Variants in ZNF709 observed in about 807,000 individuals in gnomAD.
ZNF709 encodes zinc finger protein 709.
In ZNF709, 15 loss-of-function variants were observed where a neutral mutation model predicts 10.6. The ratio of observed to expected loss-of-function variants is 1.41; its 90% CI spans 0.95 to 2.18. The LOEUF (loss-of-function observed/expected upper bound fraction) is 2.18, where lower values mean the gene tolerates loss of function less well. Ranked by LOEUF, ZNF709 falls within the 30% of genes most tolerant of loss-of-function variation. ZNF709 has a pLI of 0.00. For synonymous variants in ZNF709, 194 were observed against 238.8 expected, an observed-to-expected ratio of 0.81 and a Z score of 1.73; for missense variants, 589 against 774.0, an observed-to-expected ratio of 0.76 and a Z score of 2.84.
chr19:12,464,008 A>C lies in ZNF709; in HGVS notation c.1914T>G (p.His638Gln). 1 of 1,489,786 alleles carries C rather than the reference A, an allele frequency of 6.7e-7. No individual in the cohort carries two copies. The highest frequency in any genetic ancestry group is 8.9e-7 in the Non-Finnish European group (1 of 1,121,704). The allele number at this position is 1,489,786 out of a possible 1,614,324, so 92.3% of individuals were successfully genotyped here. ...SRSFRIHERV[H>Q]SGE ...TATATACATAGGGTTACTCTCCACTATGAACTCTTTCATGTATTCGAAAGG... is the reference window on the plus strand; with the variant it reads ...TATATACATAGGGTTACTCTCCACTCTGAACTCTTTCATGTATTCGAAAGG... Residue 638 changes from histidine to glutamine, a missense_variant, in exon 4 of 4, where the codon CAT (histidine) becomes CAG (glutamine). By Grantham distance (24) the His-to-Gln change is conservative. Around this residue, in one of 2 missense-constraint regions of ZNF709, gnomAD observed 171 missense variants for 277.7 expected, o/e 0.62. Transcript: ENST00000397732.
intron 1 of ZNF709, among the ~76,000 whole-genome samples, chr19:12,467,333 G>A (rs1970582442): frequency 6.6e-6 from 1 of 152,226 alleles, no homozygotes; most frequent in Non-Finnish European, 1.5e-5. Flanking sequence ...GGTGGAGACG[G>A]GGTTTCGCTG....
At chr19:12,474,270 T>C (rs957447248) in intron 1 of ZNF709, among the ~76,000 whole-genome samples, 2 of 152,198 alleles carry the variant, frequency 1.3e-5, no homozygotes, top group Non-Finnish European at 2.9e-5. Context: ...AGATTACATA[T>C]ATAAGTGAGA....
intron 1 of ZNF709, 40 bp downstream of exon 1, chr19:12,484,615 C>T: frequency 6.2e-7 from 1 of 1,612,468 alleles, no homozygotes; most frequent in Non-Finnish European, 8.5e-7. Flanking sequence ...TCAACCCGCC[C>T]CTCTCTCCCA....
In ZNF709 at chr19:12,466,847, A is replaced by G. The variant is rs200400466; in HGVS notation, c.7T>C (p.Ser3Pro). 3 of 1,613,608 alleles carry G rather than the reference A, an allele frequency of 1.9e-6. No individual in the cohort carries two copies. Among genetic ancestry groups the G allele is most frequent in the Middle Eastern group, 1.7e-4 (1 of 6,060 alleles). The change falls in exon 2 of 4, where the codon TCA becomes CCA. Residue 3 changes from serine (S) to proline (P), a missense_variant. By Grantham distance (74) the Ser-to-Pro change is moderately conservative. Coordinates refer to ENST00000397732, the MANE Select transcript of ZNF709 (RefSeq NM_152601.4). ...ACAGCCACATCCTCAAAGACCACTG[A>G]GTCCTGAAACATCCCACATGTATAG... MD[S>P]VVFEDVAVNF...
At chr19:12,468,017 A>T (rs1032538402) in intron 1 of ZNF709, among the ~76,000 whole-genome samples, 1 of 131,964 alleles carries the variant, frequency 7.6e-6, no homozygotes. Flanking sequence ...CCCGTCCGGG[A>T]GGGAGGTGGG....
rs1384257375 is a variant in ZNF709, at chr19:12,481,326, G to A, written c.3+3329C>T. 21 of 251,404 alleles carry A rather than the reference G, an allele frequency of 8.4e-5. No individual in the cohort carries two copies. The Admixed American group carries it at 1.2e-3, about 14-fold the overall frequency. 15.6% of individuals were successfully genotyped at this position (251,404 alleles called of 1,614,324 possible). On this transcript the variant is annotated intron_variant, in intron 1 of 3. Coordinates refer to ENST00000397732, the MANE Select transcript of ZNF709 (RefSeq NM_152601.4). ...TTCACTGCAACCTCCCCTGCAACCC[G>A]GGGTTCAAGCAATTCTCCTGCCTCA...
Position 12,464,294 on chromosome 19 carries a change from C to T in ZNF709, c.1628G>A (p.Cys543Tyr). Residue 543 changes from cysteine to tyrosine, a missense_variant, in exon 4 of 4, where the codon TGT (cysteine) becomes TAT (tyrosine). This residue lies in a region of ZNF709 where 171 missense variants were observed against 277.7 expected (regional missense o/e 0.62). Transcript: ENST00000397732. The part of the protein sequence containing the change: ...ECKQCGKAFS[C>Y]SSSIRIHERT... ...TTCATGTATTCGAATGGAACTGGAA[C>T]AACTAAACGCCTTACCACACTGTTT... 6.2e-7 allele frequency: 1 copy of T among 1,605,284 alleles called. No homozygotes were observed. Among genetic ancestry groups the T allele is most frequent in the Non-Finnish European group, 8.5e-7 (1 of 1,176,154 alleles).
At chr19:12,477,117 T>G (rs766166029) in intron 1 of ZNF709, among the ~76,000 whole-genome samples, 3 of 152,160 alleles carry the variant, frequency 2.0e-5, no homozygotes, top group Non-Finnish European at 4.4e-5. Context: ...GATATTGGTA[T>G]AGGGGCTTAA....
In ZNF709 at chr19:12,465,565, C is replaced by T. The variant is rs1195548288; in HGVS notation, c.357G>A (p.Arg119=). The T allele has an allele frequency of 1.9e-6, 3 of 1,613,688 alleles. No homozygotes were observed. In the African/African-American group the frequency reaches 4.0e-5, roughly 22 times the overall value. The stretch of plus-strand genomic sequence containing the variant: ...TATGTTCAGTATGAGATCTCATGTG[C>T]CTATTAAGAGATGAATGACACATAT... ...KDYMCHSSLN[R]HMRSHTEHRS... The change falls in exon 4 of 4, where the codon AGG becomes AGA. Residue 119 remains arginine, a synonymous_variant. Coordinates refer to ENST00000397732, the MANE Select transcript of ZNF709 (RefSeq NM_152601.4).
At chr19:12,472,815 G>A (rs1023240695) in intron 1 of ZNF709, among the ~76,000 whole-genome samples, 1 of 151,930 alleles carries the variant, frequency 6.6e-6, no homozygotes, top group East Asian at 1.9e-4. Flanking sequence ...CATGGGAGGT[G>A]GAGGTTGCAG....
chr19:12,475,946 A>G (rs1970674188), intron 1 of ZNF709, among the ~76,000 whole-genome samples: 1 of 152,268 alleles, frequency 6.6e-6, no homozygotes, highest in Non-Finnish European at 1.5e-5. Flanking sequence ...CAAATGACCA[A>G]CAGCAATTCA....
At position 12,484,805 on chromosome 19, in the gene ZNF709, C is replaced by T; in HGVS notation, c.-148G>A. On this transcript the variant is annotated 5_prime_UTR_variant, in exon 1 of 4. Transcript: ENST00000397732. The stretch of plus-strand genomic sequence containing the variant: ...GAGCGCAGCGGCTGGTAGCCACGCC[C>T]TCGCCGTTTGCGCAGCGCCCCTCCG... 9.0e-7 allele frequency: 1 copy of T among 1,105,876 alleles called. No homozygotes were observed. The highest frequency in any genetic ancestry group is 1.3e-6 in the Non-Finnish European group (1 of 768,316). 68.5% of individuals were successfully genotyped at this position (1,105,876 alleles called of 1,614,324 possible). A position where few individuals can be genotyped will look rare whatever the true frequency, so the allele number is the denominator to read the frequency against.
rs180914887 is a variant in ZNF709 at position 12,468,507 on chromosome 19, A to C, written c.4-1657T>G. Among the ~76,000 whole-genome samples, 96 of 151,792 alleles carry C rather than the reference A, an allele frequency of 6.3e-4. 1 individual carries two copies. The highest frequency in any genetic ancestry group is 1.2e-3 in the Admixed American group (18 of 15,258). On this transcript the variant is annotated intron_variant, in intron 1 of 3. Transcript: ENST00000397732. Reference sequence around the variant, plus strand: ...ATGCTTGAAGGCAGCATGCTCGTTAAGAGTCATCACCACTCCCTAATCTCA... The same window carrying C: ...ATGCTTGAAGGCAGCATGCTCGTTACGAGTCATCACCACTCCCTAATCTCA...
In ZNF709 at chr19:12,466,770, G is replaced by C. The variant is rs1305416515; in HGVS notation, c.84C>G (p.Leu28=). The change falls in exon 2 of 4, where the codon CTC becomes CTG. Residue 28 remains leucine, a synonymous_variant. Coordinates refer to ENST00000397732, the MANE Select transcript of ZNF709 (RefSeq NM_152601.4). ...AGGTTTCTTGCATCACATCTCTGTA[G>C]AGTTTCTTCTGAGAGGGACCCAGCA... ...WALLGPSQKK[L]YRDVMQETFV... 48 of 1,613,888 alleles carry C rather than the reference G, an allele frequency of 3.0e-5. No homozygotes were observed. In the Admixed American group the frequency reaches 5.3e-4, roughly 18 times the overall value.
At chr19:12,484,027 G>A (rs1351679885) in intron 1 of ZNF709, among the ~76,000 whole-genome samples, 2 of 152,130 alleles carry the variant, frequency 1.3e-5, no homozygotes, top group Non-Finnish European at 1.5e-5. Context: ...CAAAGCATAC[G>A]TTAAATCTTT....
At chr19:12,470,378 G>A (rs540584316) in intron 1 of ZNF709, among the ~76,000 whole-genome samples, 3 of 152,288 alleles carry the variant, frequency 2.0e-5, no homozygotes, top group Non-Finnish European at 4.4e-5. Context: ...AGCTGATCAC[G>A]TAAGTTCTAA....
In ZNF709 at chr19:12,465,640, T is replaced by C. The variant is rs1163591773; in HGVS notation, c.282A>G (p.Lys94=). ...SQTPNPKPNK[K]TFTRVKPYEC... The stretch of plus-strand genomic sequence containing the variant: ...CATATGGTTTTACTCTAGTAAAAGT[T>C]TTCTTGTTTGGTTTAGGATTTGGAG... Residue 94 remains lysine, a synonymous_variant, in exon 4 of 4, where the codon AAA becomes AAG. Coordinates refer to ENST00000397732, the MANE Select transcript of ZNF709 (RefSeq NM_152601.4). The C allele has an allele frequency of 6.2e-7, 1 of 1,613,120 alleles. No homozygotes were observed. The highest frequency in any genetic ancestry group is 8.5e-7 in the Non-Finnish European group (1 of 1,179,826).
chr19:12,476,184 G>A (rs1246693143), intron 1 of ZNF709, among the ~76,000 whole-genome samples: 1 of 152,154 alleles, frequency 6.6e-6, no homozygotes, highest in Admixed American at 6.5e-5. Flanking sequence ...TTGAAGTCAG[G>A]AGTTTGAGAC....
intron 1 of ZNF709, among the ~76,000 whole-genome samples, chr19:12,467,449 G>A (rs1970584176): frequency 6.6e-6 from 1 of 152,220 alleles, no homozygotes; most frequent in African/African-American, 2.4e-5. Context: ...AGTGCTCAAT[G>A]GTGCCCAGGC....
Sources: allele counts gnomAD v4.1 joint callset (sites outside exome capture counted in the v4.1 genomes callset), GRCh38; gene constraint gnomAD v4.1.1; regional missense constraint gnomAD v4.1.1; transcripts MANE v1.5; gene names NCBI Gene and HGNC (gene_info 2026-07-23, HGNC 2026-07-21).